Variants in POLRMT observed in about 807,000 individuals in gnomAD.
The protein encoded by POLRMT is RNA polymerase mitochondrial.
POLRMT carries 114 observed loss-of-function variants against 132.2 expected under a neutral mutation model. The observed-to-expected ratio is 0.86, with a 90% CI of 0.74 to 1.01. POLRMT has a LOEUF of 1.01. Among genes scored for constraint, POLRMT ranks in the 50% least tolerant of loss-of-function variants. The pLI is 0.00. For missense variants in POLRMT, 2,003 were observed against 1,729.1 expected, an observed-to-expected ratio of 1.16 and a Z score of -2.81; for synonymous variants, 1,020 against 773.4, an observed-to-expected ratio of 1.32 and a Z score of -5.29.
rs779631653 is a variant in POLRMT, at chr19:621,181, A to T, written c.2517T>A (p.Asp839Glu). 2.5e-6 allele frequency: 4 copies of T among 1,610,526 alleles called. No individual in the cohort carries two copies. The African/African-American group carries it at 5.4e-5, about 22-fold the overall frequency. The change falls in exon 10 of 21, where the codon GAT (aspartate) becomes GAA (glutamate). Residue 839 changes from aspartate (D) to glutamate (E), a missense_variant. Transcript: ENST00000588649. The part of the protein sequence containing the change: ...QGRPLGPHGL[D>E]WLKIHLVNLT... ...GATTGACCAGGTGGATCTTGAGCCA[A>T]TCCAGGCCGTGCGGGCCGAGCGGGC...
intron 2 of POLRMT, 36 bp from the exon 3 acceptor site, chr19:630,204 C>T (rs781584709): frequency 1.3e-6 from 2 of 1,535,452 alleles, no homozygotes; most frequent in African/African-American, 2.7e-5. Context: ...TGAGAGGGAC[C>T]CCCTCCCCAT....
intron 3 of POLRMT, among the ~76,000 whole-genome samples, chr19:627,924 CAA>C (rs35674455): frequency 0.14 from 14,731 of 101,610 alleles, 910 homozygotes; most frequent in Non-Finnish European, 0.19. Flanking sequence ...GAGTCTATCT[CAA>C]AAAAAAAAAA....
rs1411723203 is a variant in POLRMT at position 622,766 on chromosome 19, C to T, written c.1456-14G>A. On this transcript the variant is annotated splice_polypyrimidine_tract_variant and intron_variant, in intron 7 of 20. Coordinates refer to ENST00000588649, the MANE Select transcript of POLRMT (RefSeq NM_005035.4). ...CGCCTGCAGGACCTGCGGAAGGCAG[C>T]CGTGAGTGCCTGCCCGCCCCGCCCG... is the stretch of plus-strand genomic sequence containing the variant. 4 of 1,574,502 alleles carry T rather than the reference C, an allele frequency of 2.5e-6. No homozygotes were observed. In the South Asian group the frequency reaches 3.5e-5, roughly 14 times the overall value.
At chr19:629,469 C>G (rs1177981329) in intron 3 of POLRMT, 71 bp downstream of exon 3, 6 of 1,376,508 alleles carry the variant, frequency 4.4e-6, no homozygotes, top group Admixed American at 5.5e-5. Flanking sequence ...AGAGAAAAGT[C>G]CAGTCTAAAT....
chr19:620,100 CG>C lies in POLRMT; in HGVS notation c.2764-21del. 5 of 1,535,724 alleles carry C rather than the reference CG, an allele frequency of 3.3e-6. No individual in the cohort carries two copies. The highest frequency in any genetic ancestry group is 3.5e-6 in the Non-Finnish European group (4 of 1,145,522). On this transcript the variant is annotated intron_variant, in intron 11 of 20. Transcript: ENST00000588649. ...GCCGTCCTGAGGAAGGGGCGGCAAA[CG>C]GGAGATGGAAGCTAGAGAGGCAGAG...
intron 9 of POLRMT, 101 bp downstream of exon 9, chr19:622,048 G>T: frequency 8.1e-7 from 1 of 1,229,690 alleles, no homozygotes; most frequent in Non-Finnish European, 1.1e-6. Flanking sequence ...GGTACTGACG[G>T]CTGCGCTGAG....
rs533486200 is a variant in POLRMT, at chr19:618,855, A to G, written c.3268-95T>C. ...TACACTGGGGTAGTGGCACGCTAGG[A>G]TGGTGGCACACTGGCGCGGGATGGG... On this transcript the variant is annotated intron_variant, in intron 15 of 20. Transcript: ENST00000588649. The G allele has an allele frequency of 1.5e-5, 21 of 1,434,972 alleles. No individual in the cohort carries two copies. In the African/African-American group the frequency reaches 3.0e-4, roughly 20 times the overall value. 88.9% of individuals were successfully genotyped at this position (1,434,972 alleles called of 1,614,324 possible). A position where few individuals can be genotyped will look rare whatever the true frequency, so the allele number is the denominator to read the frequency against.
At chr19:625,432 C>T (rs56081682) in intron 3 of POLRMT, 178 bp from the exon 4 acceptor site, 12 of 764,888 alleles carry the variant, frequency 1.6e-5, no homozygotes, top group East Asian at 5.9e-5. Context: ...ACAAGCTCCA[C>T]CTGCAGAGGC....
intron 2 of POLRMT, among the ~76,000 whole-genome samples, chr19:632,458 C>A (rs888038468): frequency 6.6e-6 from 1 of 152,122 alleles, no homozygotes; most frequent in African/African-American, 2.4e-5. Flanking sequence ...GCGCCTACCC[C>A]CCAGAGCCAA....
At chr19:633,363 C>G (rs937534495) in intron 1 of POLRMT, 62 bp downstream of exon 1, 2 of 1,415,872 alleles carry the variant, frequency 1.4e-6, no homozygotes, top group Admixed American at 5.6e-5. Context: ...AAGGCCCCGG[C>G]CGCGCGGGGA....
intron 13 of POLRMT, 142 bp downstream of exon 13, chr19:619,444 A>C: frequency 7.3e-7 from 1 of 1,375,904 alleles, no homozygotes; most frequent in Non-Finnish European, 1.0e-6. Flanking sequence ...AGTCAGCAAG[A>C]AACGCCCAAG....
rs965522746 is a variant in POLRMT, at chr19:618,925, G to A, written c.3267+72C>T. ...GTACACTGGGGTGGTGGTACGCTGG[G>A]GCACTGGTACACTGGGACGCTGTTA... On this transcript the variant is annotated intron_variant, in intron 15 of 20. Coordinates refer to ENST00000588649, the MANE Select transcript of POLRMT (RefSeq NM_005035.4). The A allele has an allele frequency of 3.6e-6, 5 of 1,387,320 alleles. No individual in the cohort carries two copies. The African/African-American group carries it at 4.3e-5, about 12-fold the overall frequency. 85.9% of individuals were successfully genotyped at this position (1,387,320 alleles called of 1,614,324 possible).
Position 620,504 on chromosome 19 carries a change from T to TG in POLRMT, c.2641-18dup, listed in dbSNP as rs1352169680. On this transcript the variant is annotated splice_polypyrimidine_tract_variant and intron_variant, in intron 10 of 20. Coordinates refer to ENST00000588649, the MANE Select transcript of POLRMT (RefSeq NM_005035.4). ...CTTTCGGCCCTGCGGGGACAGCGGA[T>TG]GGGGGGCAGTGAGGCCCGGGCCCGA... 13 of 1,552,076 alleles carry TG rather than the reference T, an allele frequency of 8.4e-6. No homozygotes were observed. The highest frequency in any genetic ancestry group is 2.3e-5 in the East Asian group (1 of 43,350).
At position 633,473 on chromosome 19, in the gene POLRMT, T is replaced by G. The variant is rs760170370; in HGVS notation, c.40A>C (p.Lys14Gln). The change falls in exon 1 of 21, where the codon AAA becomes CAA. Residue 14 changes from lysine (K) to glutamine (Q), a missense_variant. Transcript: ENST00000588649. ...CGGCCGCAAGGCCGTAGGGCTCGTT[T>G]GAGCCCCGCCGCTCCGCGGCCCCAG... ...LCWGRGAAGLKRALRPCGRPG... is the reference protein window; with the variant it reads ...LCWGRGAAGLQRALRPCGRPG... The G allele has an allele frequency of 6.4e-7, 1 of 1,561,502 alleles. No homozygotes were observed. The highest frequency in any genetic ancestry group is 1.2e-5 in the South Asian group (1 of 83,336).
At position 629,892 on chromosome 19, in the gene POLRMT, G is replaced by T; in HGVS notation, c.470C>A (p.Thr157Asn). Residue 157 changes from threonine to asparagine, a missense_variant, in exon 3 of 21, where the codon ACC becomes AAC. Coordinates refer to ENST00000588649, the MANE Select transcript of POLRMT (RefSeq NM_005035.4). ...PFQSGEFKAL[T>N]RRLQVEPRLL... is the part of the protein sequence containing the mutation. ...CCGGGGCTCCACCTGCAGGCGCCTG[G>T]TCAGCGCCTTGAACTCCCCGCTCTG... 3.1e-6 allele frequency: 5 copies of T among 1,612,884 alleles called. No individual in the cohort carries two copies. The highest frequency in any genetic ancestry group is 4.2e-6 in the Non-Finnish European group (5 of 1,179,782).
intron 2 of POLRMT, 26 bp downstream of exon 2, chr19:632,808 C>T: frequency 1.3e-6 from 2 of 1,525,866 alleles, no homozygotes; most frequent in Non-Finnish European, 1.8e-6. Context: ...TCTCCTCTCC[C>T]GGGCCGCCGT....
At chr19:632,374 C>T (rs546854006) in intron 2 of POLRMT, among the ~76,000 whole-genome samples, 1 of 152,318 alleles carries the variant, frequency 6.6e-6, no homozygotes, top group African/African-American at 2.4e-5. Flanking sequence ...ACCAGCCAGG[C>T]CAGGACGAGG....
intron 2 of POLRMT, among the ~76,000 whole-genome samples, chr19:630,943 A>C (rs1362237671): frequency 6.6e-6 from 1 of 151,856 alleles, no homozygotes; most frequent in African/African-American, 2.4e-5. Context: ...AGATCACCTA[A>C]GGTCAGGAGT....
chr19:620,684 G>A (rs573048310), intron 10 of POLRMT, among the ~76,000 whole-genome samples, 197 bp from the exon 11 acceptor site: 5 of 149,174 alleles, frequency 3.4e-5, no homozygotes, highest in African/African-American at 9.9e-5. Context: ...GGAGCTGCGG[G>A]TGGACCGGGC....
Sources: allele counts gnomAD v4.1 joint callset (sites outside exome capture counted in the v4.1 genomes callset), GRCh38; gene constraint gnomAD v4.1.1; transcripts MANE v1.5; gene names NCBI Gene and HGNC (gene_info 2026-07-23, HGNC 2026-07-21).